Variants in HMCN1 observed in about 807,000 individuals in gnomAD.
The protein encoded by HMCN1 is hemicentin-1.
HMCN1 carries 321 observed loss-of-function variants against 625.9 expected under a neutral mutation model. That is an observed-to-expected ratio of 0.51 (90% confidence interval 0.47 to 0.56). The LOEUF is 0.56. HMCN1 is among the 20% of genes least tolerant of loss of function. The pLI, the probability that HMCN1 is intolerant of heterozygous loss-of-function variation, is 0.00. For missense variants in HMCN1, 6,588 were observed against 6,887.3 expected, an observed-to-expected ratio of 0.96 and a Z score of 1.54; for synonymous variants, 2,425 against 2,417.6, an observed-to-expected ratio of 1.00 and a Z score of -0.09.
rs1377950211 is a variant in HMCN1 at position 185,933,587 on chromosome 1, G to A, written c.1591G>A (p.Val531Ile). 6.2e-7 allele frequency: 1 copy of A among 1,613,948 alleles called. No homozygotes were observed. The highest frequency in any genetic ancestry group is 1.7e-5 in the Admixed American group (1 of 59,960). The change falls in exon 11 of 107, where the codon GTC becomes ATC. Residue 531 changes from valine (V) to isoleucine (I), a missense_variant. By Grantham distance (29) the Val-to-Ile change is conservative (BLOSUM62 3). This residue lies in a region of HMCN1 where 4,628 missense variants were observed against 4,853.1 expected (regional missense o/e 0.95). Transcript: ENST00000271588. ...CATCCAAGTGCCTAACAATGTTACA[G>A]TCACTCCTGGAGAGAGAGCAGTTTT... Reference protein sequence around the residue: ...PVIQVPNNVTVTPGERAVLTC... With the variant: ...PVIQVPNNVTITPGERAVLTC...
chr1:186,068,180 T>C (rs1658247607), intron 50 of HMCN1, among the ~76,000 whole-genome samples, 173 bp downstream of exon 50: 1 of 152,122 alleles, frequency 6.6e-6, no homozygotes. Context: ...GGCTCAGGGA[T>C]TGGGACCCCT....
chr1:186,139,327 C>G (rs2102540771), intron 89 of HMCN1, among the ~76,000 whole-genome samples: 1 of 152,248 alleles, frequency 6.6e-6, no homozygotes, highest in Non-Finnish European at 1.5e-5. Context: ...GTCCTGACGT[C>G]TTAAAATAAA....
chr1:186,003,359 GTTAA>G (rs1292569408), intron 28 of HMCN1, among the ~76,000 whole-genome samples: 2 of 152,110 alleles, frequency 1.3e-5, no homozygotes, highest in East Asian at 1.9e-4. Context: ...TAAGAGTGAT[GTTAA>G]TTGTCATTCA....
Position 185,909,258 on chromosome 1 carries a change from C to A in HMCN1, c.622-79C>A, listed in dbSNP as rs145969288. The A allele has an allele frequency of 8.0e-6, 9 of 1,122,216 alleles. No individual in the cohort carries two copies. The African/African-American group carries it at 1.2e-4, about 15-fold the overall frequency. 69.5% of individuals were successfully genotyped at this position (1,122,216 alleles called of 1,614,324 possible). A position where few individuals can be genotyped will look rare whatever the true frequency, so the allele number is the denominator to read the frequency against. On this transcript the variant is annotated intron_variant, in intron 4 of 106. Transcript: ENST00000271588. Reference sequence around the variant, plus strand: ...GGATGTGCCGGAGTCATTTGATCACCCAAAGGACCTGAAACAGCAATGATA... The same window carrying A: ...GGATGTGCCGGAGTCATTTGATCACACAAAGGACCTGAAACAGCAATGATA...
intron 97 of HMCN1, among the ~76,000 whole-genome samples, chr1:186,157,244 T>C (rs541001771): frequency 1.7e-4 from 26 of 152,324 alleles, no homozygotes; most frequent in Non-Finnish European, 2.8e-4. Context: ...AATTTTATGC[T>C]TTTCAAGGTT....
In HMCN1 at chr1:186,187,994, G is replaced by A. The variant is rs140641844; in HGVS notation, c.16526G>A (p.Arg5509Gln). ...ACACCCTGTCCACCCAACTACCAACGGGATCCTGTTTCAGGGTATGTCTTG... is the reference window on the plus strand; with the variant it reads ...ACACCCTGTCCACCCAACTACCAACAGGATCCTGTTTCAGGGTATGTCTTG... ...IDTPCPPNYQ[R>Q]DPVSGFCLKN... The change falls in exon 106 of 107, where the codon CGG becomes CAG. Residue 5509 changes from arginine to glutamine, a missense_variant. Around this residue, in one of 3 missense-constraint regions of HMCN1, gnomAD observed 1,954 missense variants for 2,013.1 expected, o/e 0.97. Coordinates refer to ENST00000271588, the MANE Select transcript of HMCN1 (RefSeq NM_031935.3). 281 of 1,613,646 alleles carry A rather than the reference G, an allele frequency of 1.7e-4. No homozygotes were observed. Among genetic ancestry groups the A allele is most frequent in the Non-Finnish European group, 2.3e-4 (266 of 1,179,782 alleles).
rs12075861 is a variant in HMCN1 at position 185,874,093 on chromosome 1, T to A, written c.621+8230T>A. Among the ~76,000 whole-genome samples, 489 of 152,108 alleles carry A rather than the reference T, an allele frequency of 3.2e-3. 4 individuals are homozygous for A. Among genetic ancestry groups the A allele is most frequent in the African/African-American group, 0.011 (465 of 41,554 alleles). ...AAAACATATGAATATTGTTTTTTTTTAAGTAGTTTAAACCATTTAGTATAC... is the reference window on the plus strand; with the variant it reads ...AAAACATATGAATATTGTTTTTTTTAAAGTAGTTTAAACCATTTAGTATAC... On this transcript the variant is annotated intron_variant, in intron 4 of 106. Transcript: ENST00000271588.
chr1:185,740,638 T>C (rs1653920700), intron 1 of HMCN1, among the ~76,000 whole-genome samples: 1 of 151,074 alleles, frequency 6.6e-6, no homozygotes, highest in Non-Finnish European at 1.5e-5. Context: ...AAGTTCTTGC[T>C]CTTGTGTGAA....
intron 1 of HMCN1, among the ~76,000 whole-genome samples, chr1:185,771,721 TC>T (rs1359886010): frequency 6.6e-6 from 1 of 152,122 alleles, no homozygotes; most frequent in Non-Finnish European, 1.5e-5. Context: ...TTCAAGTCAA[TC>T]CATTTCAAGA....
At chr1:185,817,951 A>T (rs930309186) in intron 1 of HMCN1, among the ~76,000 whole-genome samples, 5 of 152,000 alleles carry the variant, frequency 3.3e-5, no homozygotes, top group African/African-American at 4.8e-5. Context: ...TTTTACCCAT[A>T]CTGTTTTCCT....
chr1:186,152,763 G>A lies in HMCN1; in HGVS notation c.14910G>A (p.Gln4970=). 1 of 1,613,970 alleles carries A rather than the reference G, an allele frequency of 6.2e-7. No homozygotes were observed. The highest frequency in any genetic ancestry group is 8.5e-7 in the Non-Finnish European group (1 of 1,179,854). ...TGTAATTCCCAGGAGAAATCTTGCA[G>A]ATGAGTCATATTGCCCGGGGCTTGG... The part of the protein sequence containing the change: ...QVEFATGEIL[Q]MSHIARGLDS... The change falls in exon 96 of 107, where the codon CAG becomes CAA. Residue 4970 remains glutamine (Q), a synonymous_variant. Coordinates refer to ENST00000271588, the MANE Select transcript of HMCN1 (RefSeq NM_031935.3).
At chr1:186,110,775 A>G (rs1035912007) in intron 71 of HMCN1, among the ~76,000 whole-genome samples, 1 of 151,820 alleles carries the variant, frequency 6.6e-6, no homozygotes, top group African/African-American at 2.4e-5. Context: ...AGGGTCATCC[A>G]TTTTCTGCAG....
At position 185,933,297 on chromosome 1, in the gene HMCN1, C is replaced by T. The variant is rs182155699; in HGVS notation, c.1553-252C>T. ...ATACTCTTTTGCCATGGCTCTTTGA[C>T]TCTCATGTCTATAATTTATAGATTT... On this transcript the variant is annotated intron_variant, in intron 10 of 106. Coordinates refer to ENST00000271588, the MANE Select transcript of HMCN1 (RefSeq NM_031935.3). Among the ~76,000 whole-genome samples the T allele has an allele frequency of 2.0e-4, 31 of 152,240 alleles. No individual in the cohort carries two copies. In the East Asian group the frequency reaches 5.8e-3, roughly 28 times the overall value.
At chr1:185,955,391 T>TA (rs960802639) in intron 11 of HMCN1, among the ~76,000 whole-genome samples, 1 of 152,102 alleles carries the variant, frequency 6.6e-6, no homozygotes, top group Non-Finnish European at 1.5e-5. Context: ...AAAAAAGAAA[T>TA]AAAAATTTTT....
intron 105 of HMCN1, among the ~76,000 whole-genome samples, chr1:186,185,783 C>T (rs980056060): frequency 6.6e-6 from 1 of 152,160 alleles, no homozygotes; most frequent in Non-Finnish European, 1.5e-5. Flanking sequence ...ACAATGACAT[C>T]GTAGTAACAC....
intron 1 of HMCN1, among the ~76,000 whole-genome samples, chr1:185,752,807 A>G (rs534796355): frequency 6.6e-6 from 1 of 152,324 alleles, no homozygotes; most frequent in African/African-American, 2.4e-5. Flanking sequence ...CTTTCCTGGC[A>G]ATAGAAAAAA....
At chr1:185,770,204 G>A (rs1255442692) in intron 1 of HMCN1, among the ~76,000 whole-genome samples, 2 of 152,184 alleles carry the variant, frequency 1.3e-5, no homozygotes, top group Non-Finnish European at 2.9e-5. Context: ...GACTGAAAGG[G>A]TAATGTGAAG....
chr1:186,054,950 C>A (rs1657215775), intron 44 of HMCN1, among the ~76,000 whole-genome samples: 1 of 151,914 alleles, frequency 6.6e-6, no homozygotes, highest in South Asian at 2.1e-4. Context: ...CCCCAGTTTT[C>A]CAACAAGACT....
Position 186,136,783 on chromosome 1 carries a change from A to G in HMCN1, c.13428A>G (p.Gln4476=). ...AACCAACCATTACATGGTCCCGTCA[A>G]GGGCACTCTATTTCCTGGGATGACC... is the stretch of plus-strand genomic sequence containing the variant. ...EPQPTITWSR[Q]GHSISWDDRV... is the part of the protein sequence containing the mutation. Residue 4476 remains glutamine (Q), a synonymous_variant, in exon 87 of 107, where the codon CAA becomes CAG. Coordinates refer to ENST00000271588, the MANE Select transcript of HMCN1 (RefSeq NM_031935.3). The G allele has an allele frequency of 6.2e-7, 1 of 1,614,044 alleles. No individual in the cohort carries two copies. Among genetic ancestry groups the G allele is most frequent in the Non-Finnish European group, 8.5e-7 (1 of 1,179,954 alleles).
Sources: gnomAD v4.1 joint callset for allele counts (sites outside exome capture counted in the v4.1 genomes callset) on GRCh38, gnomAD v4.1.1 for gene constraint, gnomAD v4.1.1 regional missense constraint, MANE v1.5 for transcripts, NCBI Gene and HGNC (gene_info 2026-07-23, HGNC 2026-07-21) for gene names.